Variants in CEP131 observed in about 807,000 individuals in gnomAD.
CEP131 encodes centrosomal protein of 131 kDa.
Under a neutral mutation model 136.8 loss-of-function variants are expected in CEP131, and 99 were observed. The ratio of observed to expected loss-of-function variants is 0.72; its 90% CI spans 0.62 to 0.86. CEP131 has a LOEUF of 0.86. Ranked by LOEUF, CEP131 falls within the 40% of genes least tolerant of loss-of-function variation. CEP131 has a pLI of 0.00. For synonymous variants in CEP131, 646 were observed against 612.7 expected (o/e 1.05, Z -0.80); for missense variants, 1,459 against 1,463.0 (o/e 1.00, Z 0.04).
Position 81,194,862 on chromosome 17 carries a change from G to A in CEP131, c.2119+8C>T, listed in dbSNP as rs760975823. 6.2e-7 allele frequency: 1 copy of A among 1,611,930 alleles called. No individual in the cohort carries two copies. On this transcript the variant is annotated splice_region_variant and intron_variant, in intron 17 of 25. Coordinates refer to ENST00000450824, the MANE Select transcript of CEP131 (RefSeq NM_014984.4). ...CACCTGGCCGGCTCATGGGAGGGGA[G>A]GGCCCACCTCGGACAGTGACCTCCT...
At position 81,190,972 on chromosome 17, in the gene CEP131, C is replaced by T; in HGVS notation, c.2878G>A (p.Gly960Ser). 6.2e-7 allele frequency: 1 copy of T among 1,606,506 alleles called. No homozygotes were observed. Among genetic ancestry groups the T allele is most frequent in the South Asian group, 1.1e-5 (1 of 91,086 alleles). ...ELKGQLGEAE[G>S]ENLRLQGLVR... ...AGGCCCTGCAGACGCAGATTCTCGCCCTCGGCCTCCCCAAGCTGGCCCTTC... is the reference window on the plus strand; with the variant it reads ...AGGCCCTGCAGACGCAGATTCTCGCTCTCGGCCTCCCCAAGCTGGCCCTTC... Residue 960 changes from glycine to serine, a missense_variant, in exon 23 of 26, where the codon GGC (glycine) becomes AGC (serine). Gly to Ser is a moderately conservative substitution (Grantham distance 56). Around this residue, in one of 3 missense-constraint regions of CEP131, gnomAD observed 1,026 missense variants for 964.2 expected, o/e 1.06. Transcript: ENST00000450824.
rs2061696944 is a variant in CEP131, at chr17:81,193,923, C to T, written c.2321+3G>A. 2 of 1,533,710 alleles carry T rather than the reference C, an allele frequency of 1.3e-6. No homozygotes were observed. The highest frequency in any genetic ancestry group is 1.8e-6 in the Non-Finnish European group (2 of 1,142,394). On this transcript the variant is annotated splice_donor_region_variant and intron_variant, in intron 18 of 25. Transcript: ENST00000450824. ...GCCCCACCGGCCTGGGGCCACCACC[C>T]ACCGCTGCCGAGCACGTTCGCGCTC...
chr17:81,209,423 T>A (rs2062085155), intron 2 of CEP131, among the ~76,000 whole-genome samples: 1 of 152,216 alleles, frequency 6.6e-6, no homozygotes, highest in Non-Finnish European at 1.5e-5. Context: ...CCAGAGCGAC[T>A]CTGTGGGGTC....
chr17:81,196,671 C>A (rs1383994042), intron 15 of CEP131, 30 bp downstream of exon 15: 3 of 1,591,580 alleles, frequency 1.9e-6, no homozygotes, highest in South Asian at 2.3e-5. Flanking sequence ...CGCGCTGGGT[C>A]CGGGCCTCTG....
chr17:81,193,948 C>A lies in CEP131; in HGVS notation c.2299G>T (p.Glu767Ter). ...EREKEALGQQ[E>*]RERARQRFQQ... ...CACCGCTGCCGAGCACGTTCGCGCTCCTGCTGGCCCAGCGCCTCCTTCTCC... is the reference window on the plus strand; with the variant it reads ...CACCGCTGCCGAGCACGTTCGCGCTACTGCTGGCCCAGCGCCTCCTTCTCC... Residue 767 changes from glutamate (E) to a stop codon, truncating the protein, a stop_gained, in exon 18 of 26, where the codon GAG (glutamate) becomes TAG (stop). Transcript: ENST00000450824. LOFTEE classifies it high-confidence loss of function. 1 of 1,540,920 alleles carries A rather than the reference C, an allele frequency of 6.5e-7. No individual in the cohort carries two copies. Among genetic ancestry groups the A allele is most frequent in the South Asian group, 1.2e-5 (1 of 83,748 alleles).
intron 12 of CEP131, 59 bp from the exon 13 acceptor site, chr17:81,197,947 C>T: frequency 6.4e-7 from 1 of 1,572,022 alleles, no homozygotes; most frequent in Non-Finnish European, 8.6e-7. Flanking sequence ...CTTGGGTTCC[C>T]CAAAGGCAGA....
rs565180880 is a variant in CEP131, at chr17:81,197,505, G to T, written c.1647+207C>A. 8 of 759,880 alleles carry T rather than the reference G, an allele frequency of 1.1e-5. No individual in the cohort carries two copies. The African/African-American group carries it at 1.2e-4, about 12-fold the overall frequency. The allele number at this position is 759,880 out of a possible 1,614,324, so 47.1% of individuals were successfully genotyped here. A position where few individuals can be genotyped will look rare whatever the true frequency, so the allele number is the denominator to read the frequency against. ...GCGGGCCCTGCCACCTCCACCCTGA[G>T]AGACCCGTGGGGGGTGCTGCATAAC... On this transcript the variant is annotated intron_variant, in intron 13 of 25. Coordinates refer to ENST00000450824, the MANE Select transcript of CEP131 (RefSeq NM_014984.4).
At position 81,207,855 on chromosome 17, in the gene CEP131, C is replaced by A. The variant is rs955271254; in HGVS notation, c.273-616G>T. Among the ~76,000 whole-genome samples, 17 of 133,236 alleles carry A rather than the reference C, an allele frequency of 1.3e-4. No homozygotes were observed. The East Asian group carries it at 3.3e-3, about 26-fold the overall frequency. The allele number at this position is 133,236 out of a possible 152,430, so 87.4% of individuals were successfully genotyped here. A position where few individuals can be genotyped will look rare whatever the true frequency, so the allele number is the denominator to read the frequency against. On this transcript the variant is annotated intron_variant, in intron 3 of 25. Coordinates refer to ENST00000450824, the MANE Select transcript of CEP131 (RefSeq NM_014984.4). ...TGATCAGGTGGGATCAAAACCGTGG[C>A]CTGGCTGAGGGTGGTGACACACCAA...
intron 18 of CEP131, among the ~76,000 whole-genome samples, 184 bp from the exon 19 acceptor site, chr17:81,193,027 C>T (rs1287650724): frequency 1.3e-5 from 2 of 152,258 alleles, no homozygotes; most frequent in African/African-American, 4.8e-5. Flanking sequence ...GGCAAGGCCA[C>T]GAGGAACTTG....
intron 21 of CEP131, among the ~76,000 whole-genome samples, 182 bp from the exon 22 acceptor site, chr17:81,191,517 T>C (rs1439031152): frequency 3.3e-5 from 5 of 152,158 alleles, no homozygotes; most frequent in Admixed American, 6.5e-5. Context: ...AGTGTGGGCA[T>C]AGGCGTACCA....
At chr17:81,199,955 C>G in intron 8 of CEP131, 120 bp from the exon 9 acceptor site, 1 of 1,003,234 alleles carries the variant, frequency 1.0e-6, no homozygotes, top group South Asian at 1.4e-5. Flanking sequence ...TCAGGGCCAG[C>G]AGGGAAAGTG....
intron 1 of CEP131, among the ~76,000 whole-genome samples, chr17:81,220,773 T>G (rs1162941654): frequency 6.6e-6 from 1 of 151,418 alleles, no homozygotes; most frequent in Non-Finnish European, 1.5e-5. Flanking sequence ...AGTGCTGGGA[T>G]TACAGGCATG....
chr17:81,208,946 G>A lies in CEP131; in HGVS notation c.254C>T (p.Pro85Leu). ...RSNSTTQVSQ[P>L]RSGSPRPTEP... Reference sequence around the variant, plus strand: ...GGGTTACCTGGGGGAGCCGCTCCGAGGCTGGCTGACCTGCGTGGTGCTGTT... The same window carrying A: ...GGGTTACCTGGGGGAGCCGCTCCGAAGCTGGCTGACCTGCGTGGTGCTGTT... Residue 85 changes from proline to leucine, a missense_variant, in exon 3 of 26, where the codon CCT becomes CTT. Around this residue, in one of 3 missense-constraint regions of CEP131, gnomAD observed 187 missense variants for 179.9 expected, o/e 1.04. Transcript: ENST00000450824. The surrounding 1 kb of genome is among the most constrained non-coding windows in gnomAD (Gnocchi z 5.6). The A allele has an allele frequency of 6.2e-7, 1 of 1,613,886 alleles. No homozygotes were observed. Among genetic ancestry groups the A allele is most frequent in the East Asian group, 2.2e-5 (1 of 44,866 alleles).
Position 81,192,840 on chromosome 17 carries a change from G to A in CEP131, c.2325C>T (p.Phe775=), listed in dbSNP as rs779149640. ...ACTGCTCCTGCTCCAGGTGCTGCTG[G>A]AACCTGCGGGACGGTCAGGACTGGC... ...QQERERARQR[F]QQHLEQEQWA... Residue 775 remains phenylalanine (F), a synonymous_variant, in exon 19 of 26, where the codon TTC becomes TTT. Transcript: ENST00000450824. 6.3e-7 allele frequency: 1 copy of A among 1,597,206 alleles called. No individual in the cohort carries two copies. Among genetic ancestry groups the A allele is most frequent in the African/African-American group, 1.3e-5 (1 of 74,862 alleles).
rs180870751 is a variant in CEP131 at position 81,216,047 on chromosome 17, C to T, written c.177+3833G>A. On this transcript the variant is annotated intron_variant, in intron 2 of 25. Coordinates refer to ENST00000450824, the MANE Select transcript of CEP131 (RefSeq NM_014984.4). ...TAAGGACCAGCAACCTAGTGAGACC[C>T]CTGTCCCTACAAAAAAATTAAAAAT... Among the ~76,000 whole-genome samples the T allele has an allele frequency of 5.3e-4, 81 of 152,038 alleles. No homozygotes were observed. In the East Asian group the frequency reaches 0.012, roughly 23 times the overall value.
At chr17:81,195,263 G>A (rs2061729712) in intron 16 of CEP131, among the ~76,000 whole-genome samples, 1 of 152,232 alleles carries the variant, frequency 6.6e-6, no homozygotes, top group Non-Finnish European at 1.5e-5. Context: ...TGTCGGGACG[G>A]CCCCAGAGCC....
intron 5 of CEP131, 118 bp downstream of exon 5, chr17:81,206,626 A>T: frequency 7.4e-7 from 1 of 1,358,224 alleles, no homozygotes; most frequent in Non-Finnish European, 9.9e-7. Flanking sequence ...TCACTCACTC[A>T]CTCATTCATT....
chr17:81,194,942 C>T lies in CEP131; in HGVS notation c.2047G>A (p.Ala683Thr), dbSNP rs375187968. 4.6e-5 allele frequency: 73 copies of T among 1,597,006 alleles called. No homozygotes were observed. In the African/African-American group the frequency reaches 7.5e-4, roughly 16 times the overall value. ...TTCTCCCGGCGGGCTTTCTCGGTGG[C>T]GCTCATTAATTCTTTGAGTTTTTTA... ...EIKKLKELMS[A>T]TEKARREKWI... Residue 683 changes from alanine to threonine, a missense_variant, in exon 17 of 26, where the codon GCC becomes ACC. This residue lies in a region of CEP131 where 1,026 missense variants were observed against 964.2 expected (regional missense o/e 1.06). Coordinates refer to ENST00000450824, the MANE Select transcript of CEP131 (RefSeq NM_014984.4).
chr17:81,202,532 GA>G, intron 6 of CEP131, 134 bp from the exon 7 acceptor site: 1 of 1,048,022 alleles, frequency 9.5e-7, no homozygotes, highest in Non-Finnish European at 1.4e-6. Context: ...AGCCGGGGCA[GA>G]GGGGGACAGC....
Sources: allele counts gnomAD v4.1 joint callset (sites outside exome capture counted in the v4.1 genomes callset), GRCh38; gene constraint gnomAD v4.1.1; regional missense constraint gnomAD v4.1.1; non-coding constraint Gnocchi (gnomAD v3.1); transcripts MANE v1.5; gene names NCBI Gene and HGNC (gene_info 2026-07-23, HGNC 2026-07-21).